TTC38: variants seen among roughly 807,000 people sequenced by gnomAD.
The protein encoded by TTC38 is tetratricopeptide repeat protein 38.
In TTC38, 64 loss-of-function variants were observed where a neutral mutation model predicts 64.2. The ratio of observed to expected loss-of-function variants is 1.00; its 90% CI spans 0.81 to 1.23. The LOEUF (loss-of-function observed/expected upper bound fraction) is 1.23, where lower values mean the gene tolerates loss of function less well. TTC38 is among the 50% of genes most tolerant of loss of function. The pLI is 0.00. For synonymous variants in TTC38, 254 were observed against 249.3 expected, an observed-to-expected ratio of 1.02 and a Z score of -0.18; for missense variants, 573 against 615.5, an observed-to-expected ratio of 0.93 and a Z score of 0.73.
Position 46,273,786 on chromosome 22 carries a change from C to T in TTC38, c.194-112C>T. ...GGCCACAGTGCCCAGCCTGCTGCTG[C>T]CTGGCTGGCCCCTCCTGGGACGTGG... On this transcript the variant is annotated intron_variant, in intron 3 of 13. Transcript: ENST00000381031. The surrounding 1 kb of genome is among the most constrained non-coding windows in gnomAD (Gnocchi z 5.1). 2 of 1,046,204 alleles carry T rather than the reference C, an allele frequency of 1.9e-6. No homozygotes were observed. Among genetic ancestry groups the T allele is most frequent in the Non-Finnish European group, 2.8e-6 (2 of 714,418 alleles). 64.8% of individuals were successfully genotyped at this position (1,046,204 alleles called of 1,614,324 possible). A position where few individuals can be genotyped will look rare whatever the true frequency, so the allele number is the denominator to read the frequency against.
Position 46,273,846 on chromosome 22 carries a change from T to A in TTC38, c.194-52T>A, listed in dbSNP as rs1037409496. On this transcript the variant is annotated intron_variant, in intron 3 of 13. Coordinates refer to ENST00000381031, the MANE Select transcript of TTC38 (RefSeq NM_017931.4). The surrounding 1 kb of genome is among the most constrained non-coding windows in gnomAD (Gnocchi z 5.1). ...GTGACATGTGGAGTCTGGGCTGGGA[T>A]GGGCTGAGCTGGACCATCTGAACCA... is the stretch of plus-strand genomic sequence containing the variant. 13 of 1,593,526 alleles carry A rather than the reference T, an allele frequency of 8.2e-6. No individual in the cohort carries two copies. The African/African-American group carries it at 1.3e-4, about 16-fold the overall frequency.
At chr22:46,289,938 C>T in intron 13 of TTC38, 39 bp downstream of exon 13, 3 of 1,575,928 alleles carry the variant, frequency 1.9e-6, no homozygotes, top group Non-Finnish European at 2.6e-6. Context: ...CCGACCTTCA[C>T]AGGCTCTCCC....
Position 46,282,689 on chromosome 22 carries a change from G to C in TTC38, c.735+971G>C, listed in dbSNP as rs2147795978. ...TCCCTTCTCAGGGACACTGAGGTTT[G>C]TTTGAGGTTTCTGAGTGCTGGGCAC... On this transcript the variant is annotated intron_variant, in intron 7 of 13. Coordinates refer to ENST00000381031, the MANE Select transcript of TTC38 (RefSeq NM_017931.4). The surrounding 1 kb of genome is among the most constrained non-coding windows in gnomAD (Gnocchi z 4.4). Among the ~76,000 whole-genome samples the C allele has an allele frequency of 6.6e-6, 1 of 152,270 alleles. No homozygotes were observed. The highest frequency in any genetic ancestry group is 2.1e-4 in the South Asian group (1 of 4,820).
At position 46,271,785 on chromosome 22, in the gene TTC38, A is replaced by T. The variant is rs1304101016; in HGVS notation, c.112-550A>T. On this transcript the variant is annotated intron_variant, in intron 2 of 13. Coordinates refer to ENST00000381031, the MANE Select transcript of TTC38 (RefSeq NM_017931.4). The surrounding 1 kb of genome is among the most constrained non-coding windows in gnomAD (Gnocchi z 5.5). The stretch of plus-strand genomic sequence containing the variant: ...CTCAGTCTTCCAAAGTACTGGGATT[A>T]CAGGCGTGAGCCATCGCGCCCAGCC... 6.6e-6 allele frequency among the ~76,000 whole-genome samples: 1 copy of T among 152,174 alleles called. No homozygotes were observed. Among genetic ancestry groups the T allele is most frequent in the East Asian group, 1.9e-4 (1 of 5,170 alleles).
At chr22:46,278,732 G>GTCACACACGAATGGT in intron 6 of TTC38, 71 bp downstream of exon 6, 1 of 1,244,038 alleles carries the variant, frequency 8.0e-7, no homozygotes, top group Non-Finnish European at 1.2e-6. Flanking sequence ...GCATATGAGG[G>GTCACACACGAATGGT]GCACCATTCG....
At chr22:46,285,195 A>C in intron 8 of TTC38, 46 bp from the exon 9 acceptor site, 1 of 1,592,362 alleles carries the variant, frequency 6.3e-7, no homozygotes, top group South Asian at 1.1e-5. Flanking sequence ...CCAGCATTAC[A>C]CTTTGCCTTC....
Position 46,291,140 on chromosome 22 carries a change from G to A in TTC38, c.1316+1241G>A, listed in dbSNP as rs1462805768. Among the ~76,000 whole-genome samples, 1 of 152,236 alleles carries A rather than the reference G, an allele frequency of 6.6e-6. No homozygotes were observed. Among genetic ancestry groups the A allele is most frequent in the East Asian group, 1.9e-4 (1 of 5,208 alleles). On this transcript the variant is annotated intron_variant, in intron 13 of 13. Transcript: ENST00000381031. The surrounding 1 kb of genome is among the most constrained non-coding windows in gnomAD (Gnocchi z 4.6). Reference sequence around the variant, plus strand: ...GGCAGCACTGGAACCGCCTAGAACTGTAAAATGTCTTGGACGCATGCTCCC... The same window carrying A: ...GGCAGCACTGGAACCGCCTAGAACTATAAAATGTCTTGGACGCATGCTCCC...
intron 10 of TTC38, among the ~76,000 whole-genome samples, chr22:46,287,679 G>C (rs2077581613): frequency 1.3e-5 from 2 of 152,214 alleles, no homozygotes; most frequent in Admixed American, 1.3e-4. Flanking sequence ...CTCAGGCTCA[G>C]CAGAGTCACC....
chr22:46,274,010 C>A lies in TTC38; in HGVS notation c.306C>A (p.Thr102=). ...AGACAATGGTGGAGATTTCAAGAAC[C>A]CAGCCGCTGACAAGGCGGGAGCAGC... is the stretch of plus-strand genomic sequence containing the variant. ...AVKTMVEISR[T]QPLTRREQLH... Residue 102 remains threonine, a synonymous_variant, in exon 4 of 14, where the codon ACC becomes ACA. Transcript: ENST00000381031. This position sits in a 1 kb window ranked among gnomAD's most constrained non-coding sequence, Gnocchi z 4.8. 1.2e-6 allele frequency: 2 copies of A among 1,614,220 alleles called. No homozygotes were observed. The highest frequency in any genetic ancestry group is 1.7e-6 in the Non-Finnish European group (2 of 1,180,044).
At chr22:46,280,910 T>C (rs1245048738) in intron 6 of TTC38, among the ~76,000 whole-genome samples, 2 of 152,252 alleles carry the variant, frequency 1.3e-5, no homozygotes, top group East Asian at 3.8e-4. Flanking sequence ...TGACTGTGGC[T>C]GAGTAGATGC....
chr22:46,290,093 C>T (rs2147802669), intron 13 of TTC38, among the ~76,000 whole-genome samples, 194 bp downstream of exon 13: 1 of 152,346 alleles, frequency 6.6e-6, no homozygotes, highest in Non-Finnish European at 1.5e-5. Flanking sequence ...CAGCCCCACC[C>T]CAGGCCCAAC....
Position 46,281,495 on chromosome 22 carries a change from G to A in TTC38, c.616-104G>A, listed in dbSNP as rs533735736. 1.4e-3 allele frequency: 679 copies of A among 474,894 alleles called. 8 individuals carry two copies. In the Middle Eastern group the frequency reaches 0.029, roughly 20 times the overall value. 29.4% of individuals were successfully genotyped at this position (474,894 alleles called of 1,614,324 possible). The stretch of plus-strand genomic sequence containing the variant: ...CCCGCCCCCCCACTTGCTCCACCCC[G>A]TTCAGCCCAGGCCCCTCTTGCCCCT... On this transcript the variant is annotated intron_variant, in intron 6 of 13. Transcript: ENST00000381031. This position sits in a 1 kb window ranked among gnomAD's most constrained non-coding sequence, Gnocchi z 5.2.
chr22:46,288,342 A>T, intron 10 of TTC38, 81 bp from the exon 11 acceptor site: 1 of 1,450,216 alleles, frequency 6.9e-7, no homozygotes, highest in Non-Finnish European at 9.4e-7. Context: ...CCTCCAAGGG[A>T]AGCGCCGTGA....
In TTC38 at chr22:46,276,156, A is replaced by C. The variant is rs1937003228; in HGVS notation, c.539+735A>C. Among the ~76,000 whole-genome samples, 1 of 151,966 alleles carries C rather than the reference A, an allele frequency of 6.6e-6. No homozygotes were observed. Among genetic ancestry groups the C allele is most frequent in the East Asian group, 1.9e-4 (1 of 5,202 alleles). On this transcript the variant is annotated intron_variant, in intron 5 of 13. Coordinates refer to ENST00000381031, the MANE Select transcript of TTC38 (RefSeq NM_017931.4). The surrounding 1 kb of genome is among the most constrained non-coding windows in gnomAD (Gnocchi z 4.7). ...CTCTGAGACAGAGAGAGAGATGGAG[A>C]TTTATTTTAAGGAATTGGCTCATGT...
intron 5 of TTC38, 109 bp from the exon 6 acceptor site, chr22:46,278,477 A>C (rs1347209678): frequency 2.2e-6 from 2 of 906,910 alleles, no homozygotes; most frequent in Non-Finnish European, 3.6e-6. Context: ...AAAAAAGGTC[A>C]CATTCCCAGT....
chr22:46,289,929 C>G, intron 13 of TTC38, 30 bp downstream of exon 13: 3 of 1,599,538 alleles, frequency 1.9e-6, no homozygotes, highest in Non-Finnish European at 2.6e-6. Context: ...CCAGCACTCC[C>G]GACCTTCACA....
In TTC38 at chr22:46,289,948, C is replaced by T. The variant is rs774669057; in HGVS notation, c.1316+49C>T. 2.6e-6 allele frequency: 4 copies of T among 1,538,874 alleles called. No homozygotes were observed. In the Admixed American group the frequency reaches 5.0e-5, roughly 19 times the overall value. ...CACTCCCGACCTTCACAGGCTCTCC[C>T]TGCAGACCTCAGGAGTGCCTGGAAG... On this transcript the variant is annotated intron_variant, in intron 13 of 13. Transcript: ENST00000381031.
chr22:46,289,725 ACAC>A, intron 12 of TTC38, 98 bp from the exon 13 acceptor site: 2 of 1,482,228 alleles, frequency 1.3e-6, no homozygotes, highest in East Asian at 2.3e-5. Context: ...TGTGGCATCA[ACAC>A]CACTGTCTCC....
Position 46,275,768 on chromosome 22 carries a change from C to T in TTC38, c.539+347C>T, listed in dbSNP as rs1168299252. On this transcript the variant is annotated intron_variant, in intron 5 of 13. Coordinates refer to ENST00000381031, the MANE Select transcript of TTC38 (RefSeq NM_017931.4). The surrounding 1 kb of genome is among the most constrained non-coding windows in gnomAD (Gnocchi z 4.5). ...GGCTCTGCCACCATGTCCTTGTCTC[C>T]ATCTGGGATCCCAGCTGATGAAGCA... Among the ~76,000 whole-genome samples, 2 of 152,186 alleles carry T rather than the reference C, an allele frequency of 1.3e-5. No homozygotes were observed. The highest frequency in any genetic ancestry group is 2.9e-5 in the Non-Finnish European group (2 of 68,044).
Sources: gnomAD v4.1 joint callset for allele counts (sites outside exome capture counted in the v4.1 genomes callset) on GRCh38, gnomAD v4.1.1 for gene constraint, Gnocchi (gnomAD v3.1) non-coding constraint, MANE v1.5 for transcripts, NCBI Gene and HGNC (gene_info 2026-07-23, HGNC 2026-07-21) for gene names.